CTSC: variants seen among roughly 807,000 people sequenced by gnomAD.
The protein encoded by CTSC is dipeptidyl peptidase 1.
A neutral mutation model predicts 40.9 loss-of-function variants in CTSC; 37 were observed. The observed-to-expected ratio is 0.91, with a 90% CI of 0.70 to 1.19. The LOEUF (loss-of-function observed/expected upper bound fraction) is 1.19. Among genes scored for constraint, CTSC ranks in the 50% most tolerant of loss-of-function variants. The pLI, the probability that CTSC is intolerant of heterozygous loss-of-function variation, is 0.00. For synonymous variants in CTSC, 232 were observed against 207.4 expected (o/e 1.12, Z -1.02); for missense variants, 594 against 567.3 (o/e 1.05, Z -0.48).
At chr11:88,335,610 C>T (rs1220725031) in intron 1 of CTSC, among the ~76,000 whole-genome samples, 2 of 152,124 alleles carry the variant, frequency 1.3e-5, no homozygotes, top group Admixed American at 6.5e-5. Flanking sequence ...TGCAGCCCAG[C>T]AGGCAGGGAG....
Position 88,337,529 on chromosome 11 carries a change from G to C in CTSC, c.144C>G (p.Ser48=), listed in dbSNP as rs1938535967. ...TWVFQVGSSG[S]QRDVNCSVMG... ...TAACCGAGCAGTTGACATCGCGCTGGGAACCGCTGGAGCCCACCTGGAAGA... is the reference window on the plus strand; with the variant it reads ...TAACCGAGCAGTTGACATCGCGCTGCGAACCGCTGGAGCCCACCTGGAAGA... The change falls in exon 1 of 7, where the codon TCC becomes TCG. Residue 48 remains serine, a synonymous_variant. Transcript: ENST00000227266. 9 of 1,575,752 alleles carry C rather than the reference G, an allele frequency of 5.7e-6. No homozygotes were observed. The East Asian group carries it at 2.1e-4, about 37-fold the overall frequency.
intron 1 of CTSC, among the ~76,000 whole-genome samples, 200 bp downstream of exon 1, chr11:88,337,301 A>G (rs543123707): frequency 1.3e-5 from 2 of 152,336 alleles, no homozygotes; most frequent in East Asian, 3.9e-4. Context: ...GAAAGTGTGG[A>G]GTTAGAAGTT....
At chr11:88,317,379 T>C (rs2134792955) in intron 2 of CTSC, among the ~76,000 whole-genome samples, 1 of 152,348 alleles carries the variant, frequency 6.6e-6, no homozygotes, top group Admixed American at 6.5e-5. Context: ...CCCTACACAT[T>C]CCATTAAATT....
At chr11:88,316,053 G>A (rs1015412308) in intron 2 of CTSC, among the ~76,000 whole-genome samples, 3 of 150,658 alleles carry the variant, frequency 2.0e-5, no homozygotes, top group Admixed American at 6.6e-5. Context: ...CATGAGTCAC[G>A]TTCAAATTGT....
chr11:88,319,637 A>G (rs1001536934), intron 2 of CTSC, among the ~76,000 whole-genome samples: 6 of 152,154 alleles, frequency 3.9e-5, no homozygotes, highest in Non-Finnish European at 8.8e-5. Flanking sequence ...TTCTTAAAAT[A>G]TATTTTGGGT....
intron 4 of CTSC, among the ~76,000 whole-genome samples, chr11:88,305,174 C>T (rs1045086353): frequency 2.0e-5 from 3 of 152,062 alleles, no homozygotes; most frequent in African/African-American, 7.2e-5. Flanking sequence ...AATAATCCAT[C>T]CCTTGTTTAG....
intron 2 of CTSC, among the ~76,000 whole-genome samples, chr11:88,318,945 G>A (rs1187789466): frequency 6.6e-6 from 1 of 151,976 alleles, no homozygotes; most frequent in Non-Finnish European, 1.5e-5. Context: ...TAATTAAATT[G>A]AAAACTTCCA....
chr11:88,326,516 T>C, intron 2 of CTSC: 1 of 851,572 alleles, frequency 1.2e-6, no homozygotes, highest in Middle Eastern at 3.4e-4. Context: ...ATCATATCAG[T>C]TTCTTTAAGT....
At chr11:88,314,020 T>G (rs1354709059) in intron 2 of CTSC, among the ~76,000 whole-genome samples, 1 of 152,152 alleles carries the variant, frequency 6.6e-6, no homozygotes, top group Non-Finnish European at 1.5e-5. Flanking sequence ...ATAAAATTTC[T>G]GTTTACAAAA....
chr11:88,318,852 G>A (rs1937933229), intron 2 of CTSC, among the ~76,000 whole-genome samples: 1 of 152,214 alleles, frequency 6.6e-6, no homozygotes, highest in African/African-American at 2.4e-5. Context: ...ATTGCAGTGA[G>A]CTGCAACCAT....
At position 88,313,962 on chromosome 11, in the gene CTSC, T is replaced by A. The variant is rs146175094; in HGVS notation, c.319-1408A>T. On this transcript the variant is annotated intron_variant, in intron 2 of 6. Transcript: ENST00000227266. The stretch of plus-strand genomic sequence containing the variant: ...CTCTGCCCTTGTAGCACAAAAGCCA[T>A]CAAAAGCAAGACTCAAACAAATTGG... 5.0e-4 allele frequency among the ~76,000 whole-genome samples: 76 copies of A among 152,234 alleles called. No homozygotes were observed. The East Asian group carries it at 0.013, about 26-fold the overall frequency.
chr11:88,317,864 A>G (rs111959857), intron 2 of CTSC, among the ~76,000 whole-genome samples: 7,907 of 152,322 alleles, frequency 0.052, 309 homozygotes, highest in Non-Finnish European at 0.08. Context: ...CTAAAATATG[A>G]AGATCAAGCC....
chr11:88,312,209 A>G (rs1314404015), intron 3 of CTSC, among the ~76,000 whole-genome samples, 179 bp downstream of exon 3: 1 of 152,248 alleles, frequency 6.6e-6, no homozygotes, highest in Non-Finnish European at 1.5e-5. Context: ...AACACTTTGA[A>G]AAAATACTCT....
At position 88,294,325 on chromosome 11, in the gene CTSC, G is replaced by A. The variant is rs1944274909; in HGVS notation, c.1073C>T (p.Ala358Val). ...ATGGACCAACTCAAGCTTCATCAGG[G>A]CTTCATTGCAGCCTCCATAGAAACC... ...VGGFYGGCNE[A>V]LMKLELVHHG... Residue 358 changes from alanine (A) to valine (V), a missense_variant, in exon 7 of 7, where the codon GCC becomes GTC. Ala to Val is a moderately conservative substitution (Grantham distance 64, BLOSUM62 0). Transcript: ENST00000227266. 6.2e-7 allele frequency: 1 copy of A among 1,614,120 alleles called. No individual in the cohort carries two copies. The highest frequency in any genetic ancestry group is 8.5e-7 in the Non-Finnish European group (1 of 1,180,016).
Position 88,294,043 on chromosome 11 carries a change from C to T in CTSC, c.1355G>A (p.Ser452Asn), listed in dbSNP as rs748379376. 2 of 1,614,046 alleles carry T rather than the reference C, an allele frequency of 1.2e-6. No homozygotes were observed. Among genetic ancestry groups the T allele is most frequent in the Admixed American group, 3.3e-5 (2 of 59,994 alleles). ...AATTGGTGTGGCTGCCACTGCTATG[C>T]TCTCAATTGCACACTCATCAGTTCC... ...RRGTDECAIE[S>N]IAVAATPIPK... The change falls in exon 7 of 7, where the codon AGC becomes AAC. Residue 452 changes from serine to asparagine, a missense_variant. Ser to Asn is a conservative substitution (Grantham distance 46). Transcript: ENST00000227266.
intron 2 of CTSC, chr11:88,320,910 G>A: frequency 1.1e-6 from 1 of 925,162 alleles, no homozygotes; most frequent in Non-Finnish European, 1.3e-6. Context: ...TAGTAAGATG[G>A]AGTTGATCCT....
rs756480797 is a variant in CTSC, at chr11:88,300,623, C to T, written c.664G>A (p.Ala222Thr). 1 of 1,613,076 alleles carries T rather than the reference C, an allele frequency of 6.2e-7. No individual in the cohort carries two copies. The change falls in exon 5 of 7, where the codon GCT (alanine) becomes ACT (threonine). Residue 222 changes from alanine (A) to threonine (T), a missense_variant. Ala to Thr is a moderately conservative substitution (Grantham distance 58). Coordinates refer to ENST00000227266, the MANE Select transcript of CTSC (RefSeq NM_001814.6). ...IPRPKPAPLT[A>T]EIQQKILHLP... Reference sequence around the variant, plus strand: ...TGCAAAATCTTTTGCTGTATTTCAGCAGTCAGTGGTGCAGGTTTGGGCCTA... The same window carrying T: ...TGCAAAATCTTTTGCTGTATTTCAGTAGTCAGTGGTGCAGGTTTGGGCCTA...
At chr11:88,301,358 T>C (rs758577873) in intron 4 of CTSC, among the ~76,000 whole-genome samples, 2 of 152,174 alleles carry the variant, frequency 1.3e-5, no homozygotes, top group Non-Finnish European at 2.9e-5. Flanking sequence ...ACATAAGGCA[T>C]ACACCAGGTA....
intron 1 of CTSC, among the ~76,000 whole-genome samples, chr11:88,335,967 C>G (rs1008459567): frequency 6.6e-6 from 1 of 152,040 alleles, no homozygotes; most frequent in African/African-American, 2.4e-5. Context: ...AGGTCTGTAT[C>G]CTATAAAACC....
Sources: allele counts gnomAD v4.1 joint callset (sites outside exome capture counted in the v4.1 genomes callset), GRCh38; gene constraint gnomAD v4.1.1; transcripts MANE v1.5; gene names NCBI Gene and HGNC (gene_info 2026-07-23, HGNC 2026-07-21).